Variants in HDX observed in about 807,000 individuals in gnomAD.
HDX encodes the protein chromosome X open reading frame 43.
In HDX, 19 loss-of-function variants were observed where a neutral mutation model predicts 45.2. The observed-to-expected ratio is 0.42, with a 90% CI of 0.29 to 0.62. HDX has a LOEUF of 0.62. Ranked by LOEUF, HDX falls within the 20% of genes least tolerant of loss-of-function variation. HDX has a pLI of 0.20. For synonymous variants in HDX, 188 were observed against 172.8 expected (o/e 1.09, Z -0.69); for missense variants, 532 against 493.9 (o/e 1.08, Z -0.73).
intron 5 of HDX, among the ~76,000 whole-genome samples, chrX:84,415,384 C>G (rs1421637860): frequency 8.1e-5 from 9 of 111,666 alleles, no homozygotes; most frequent in Non-Finnish European, 1.7e-4. Context: ...CCAGGAACAG[C>G]CCTTCATTCT....
chrX:84,475,222 A>G (rs1915688574), intron 3 of HDX, 29 bp downstream of exon 3: 1 of 1,151,940 alleles, frequency 8.7e-7, no homozygotes, highest in East Asian at 3.1e-5. Flanking sequence ...AAGAAGCTTT[A>G]AATTTGAGTG....
At chrX:84,492,604 G>C (rs56349413) in intron 1 of HDX, among the ~76,000 whole-genome samples, 33,226 of 110,455 alleles carry the variant, frequency 0.3, 3,702 homozygotes, top group African/African-American at 0.35. Flanking sequence ...AATGTGCTAC[G>C]CCAAGCCTAT....
chrX:84,455,038 T>C (rs1438743482), intron 4 of HDX, among the ~76,000 whole-genome samples: 3 of 111,347 alleles, frequency 2.7e-5, no homozygotes, highest in African/African-American at 9.8e-5. Context: ...TATGCAGATA[T>C]AGCTGCAGTG....
chrX:84,422,277 T>C (rs958478030), intron 5 of HDX, among the ~76,000 whole-genome samples: 3 of 112,138 alleles, frequency 2.7e-5, no homozygotes, highest in Admixed American at 9.5e-5. Context: ...GAATGACATG[T>C]TGGTCAATGA....
intron 4 of HDX, among the ~76,000 whole-genome samples, chrX:84,452,317 A>G (rs760418527): frequency 9.0e-6 from 1 of 111,535 alleles, no homozygotes; most frequent in South Asian, 3.7e-4. Flanking sequence ...AAAATTGGAG[A>G]CAGAAAATCA....
At chrX:84,480,509 A>G (rs779281206) in intron 2 of HDX, among the ~76,000 whole-genome samples, 1 of 111,636 alleles carries the variant, frequency 9.0e-6, no homozygotes, top group South Asian at 3.7e-4. Flanking sequence ...ACCAGGTTAA[A>G]GAAGTTCTCT....
chrX:84,355,376 A>T (rs767688499), intron 6 of HDX, among the ~76,000 whole-genome samples: 2 of 111,113 alleles, frequency 1.8e-5, no homozygotes, highest in Non-Finnish European at 3.8e-5. Flanking sequence ...TCGAGGACTT[A>T]ACAGTGCTTC....
chrX:84,438,640 C>T lies in HDX; in HGVS notation c.1305+1892G>A, dbSNP rs183939017. ...GTTCCCACTTAAATGTGAGACCATG[C>T]GGTATTTGGTTTTCTGTTCTGGCAT... On this transcript the variant is annotated intron_variant, in intron 5 of 10. Transcript: ENST00000373177. 3.4e-3 allele frequency among the ~76,000 whole-genome samples: 370 copies of T among 109,274 alleles called. 1 individual carries two copies. Among genetic ancestry groups the T allele is most frequent in the African/African-American group, 0.011 (340 of 30,032 alleles). The allele number at this position is 109,274 out of a possible 115,157, so 94.9% of individuals were successfully genotyped here. A position where few individuals can be genotyped will look rare whatever the true frequency, so the allele number is the denominator to read the frequency against.
chrX:84,490,535 T>G (rs1297701090), intron 1 of HDX, among the ~76,000 whole-genome samples: 1 of 111,448 alleles, frequency 9.0e-6, no homozygotes, highest in East Asian at 2.8e-4. Context: ...TACCCACATA[T>G]TTACTATTTC....
intron 5 of HDX, among the ~76,000 whole-genome samples, chrX:84,381,642 T>C (rs1446636439): frequency 8.9e-6 from 1 of 111,791 alleles, no homozygotes; most frequent in Non-Finnish European, 1.9e-5. Flanking sequence ...GAAAACTGGA[T>C]ATTCATATGC....
chrX:84,380,669 C>T (rs1346725371), intron 5 of HDX, among the ~76,000 whole-genome samples: 1 of 111,014 alleles, frequency 9.0e-6, no homozygotes, highest in Non-Finnish European at 1.9e-5. Flanking sequence ...TGATAAAATT[C>T]AACATTGCTT....
At chrX:84,326,940 T>C (rs1291363602) in intron 9 of HDX, among the ~76,000 whole-genome samples, 1 of 106,710 alleles carries the variant, frequency 9.4e-6, no homozygotes, top group African/African-American at 3.4e-5. Context: ...AGATTAGGAA[T>C]AGATAGAGTC....
In HDX at chrX:84,355,349, T is replaced by C. The variant is rs1602300216; in HGVS notation, c.1452+6117A>G. Among the ~76,000 whole-genome samples, 3 of 110,727 alleles carry C rather than the reference T, an allele frequency of 2.7e-5. No individual in the cohort carries two copies. In the Admixed American group the frequency reaches 2.9e-4, roughly 11 times the overall value. On this transcript the variant is annotated intron_variant, in intron 6 of 10. Coordinates refer to ENST00000373177, the MANE Select transcript of HDX (RefSeq NM_001177479.2). ...ACTGAATTGTAGCAAGATGGAGCAGTGGGGAACTAATTGTCCTCGAGGACT... is the reference window on the plus strand; with the variant it reads ...ACTGAATTGTAGCAAGATGGAGCAGCGGGGAACTAATTGTCCTCGAGGACT...
intron 2 of HDX, among the ~76,000 whole-genome samples, chrX:84,481,692 A>AATC (rs2040683588): frequency 9.0e-6 from 1 of 111,228 alleles, no homozygotes; most frequent in Admixed American, 9.6e-5. Context: ...CACCAAATTT[A>AATC]ATCTCAAACT....
chrX:84,351,043 CTAT>C (rs2037341727), intron 6 of HDX, among the ~76,000 whole-genome samples: 2 of 109,756 alleles, frequency 1.8e-5, no homozygotes, highest in East Asian at 5.9e-4. Context: ...ATCTATCTAT[CTAT>C]CTATCTATCA....
chrX:84,390,157 G>C, intron 5 of HDX, among the ~76,000 whole-genome samples: 1 of 109,935 alleles, frequency 9.1e-6, no homozygotes, highest in African/African-American at 3.3e-5. Context: ...AGTGCTTCTT[G>C]GTTGCATCTA....
chrX:84,378,386 C>T (rs1010164281), intron 5 of HDX, among the ~76,000 whole-genome samples: 1 of 111,237 alleles, frequency 9.0e-6, no homozygotes, highest in Non-Finnish European at 1.9e-5. Context: ...GTATAAACTA[C>T]CCTTATCCTA....
At chrX:84,493,727 AC>A (rs1225008330) in intron 1 of HDX, among the ~76,000 whole-genome samples, 1 of 112,043 alleles carries the variant, frequency 8.9e-6, no homozygotes, top group African/African-American at 3.2e-5. Flanking sequence ...AATAATATAC[AC>A]CTAAAACTAT....
At chrX:84,393,496 T>C (rs1026089254) in intron 5 of HDX, among the ~76,000 whole-genome samples, 1 of 111,682 alleles carries the variant, frequency 9.0e-6, no homozygotes, top group African/African-American at 3.2e-5. Context: ...TCTTTTTTAT[T>C]GTTATTTTCT....
Sources: allele counts gnomAD v4.1 joint callset (sites outside exome capture counted in the v4.1 genomes callset), GRCh38; gene constraint gnomAD v4.1.1; transcripts MANE v1.5; gene names NCBI Gene and HGNC (gene_info 2026-07-23, HGNC 2026-07-21).